The following MAPK4 variants were observed in gnomAD, a reference collection of about 807,000 sequenced individuals.
MAPK4 encodes the protein mitogen-activated protein kinase 4.
In MAPK4, 22 loss-of-function variants were observed where a neutral mutation model predicts 47.7. The observed-to-expected ratio is 0.46, with a 90% CI of 0.33 to 0.66. MAPK4 has a LOEUF of 0.66. Ranked by LOEUF, MAPK4 falls within the 30% of genes least tolerant of loss-of-function variation. MAPK4 has a pLI of 0.02. For missense variants in MAPK4, 736 were observed against 831.7 expected (o/e 0.88, Z 1.42); for synonymous variants, 390 against 365.7 (o/e 1.07, Z -0.76).
intron 1 of MAPK4, among the ~76,000 whole-genome samples, chr18:50,569,878 A>T (rs561446696): frequency 1.5e-4 from 23 of 152,248 alleles, no homozygotes; most frequent in Non-Finnish European, 2.4e-4. Flanking sequence ...TGACAGGCCC[A>T]GCCCCTCCAA....
chr18:50,620,840 A>C (rs564515533), intron 1 of MAPK4, among the ~76,000 whole-genome samples: 6 of 152,310 alleles, frequency 3.9e-5, no homozygotes, highest in Non-Finnish European at 4.4e-5. Context: ...CCAGAGCTCC[A>C]TCAAACCATC....
chr18:50,692,380 G>A (rs985331800), intron 2 of MAPK4, among the ~76,000 whole-genome samples: 1 of 152,138 alleles, frequency 6.6e-6, no homozygotes, highest in Non-Finnish European at 1.5e-5. Flanking sequence ...ACAGAATTTC[G>A]ACATTCAGGA....
At chr18:50,721,227 T>C (rs1451134211) in intron 3 of MAPK4, among the ~76,000 whole-genome samples, 2 of 152,184 alleles carry the variant, frequency 1.3e-5, no homozygotes, top group African/African-American at 4.8e-5. Flanking sequence ...AGACAAAGAC[T>C]GAAGCTTCTT....
At chr18:50,646,881 A>G (rs922789660) in intron 1 of MAPK4, among the ~76,000 whole-genome samples, 3 of 152,114 alleles carry the variant, frequency 2.0e-5, no homozygotes, top group Admixed American at 6.5e-5. Flanking sequence ...TTCAATTTAA[A>G]TGTCACTTCT....
At chr18:50,707,382 CA>C (rs1910112938) in intron 2 of MAPK4, among the ~76,000 whole-genome samples, 1 of 151,958 alleles carries the variant, frequency 6.6e-6, no homozygotes, top group Non-Finnish European at 1.5e-5. Flanking sequence ...GCAGCCTCGG[CA>C]AAATGGCAAA....
intron 2 of MAPK4, among the ~76,000 whole-genome samples, chr18:50,714,164 T>C (rs1910512857): frequency 6.6e-6 from 1 of 152,192 alleles, no homozygotes; most frequent in Non-Finnish European, 1.5e-5. Flanking sequence ...TTGGATCTCC[T>C]TGGTCCTAAC....
rs569912706 is a variant in MAPK4 at position 50,715,222 on chromosome 18, T to C, written c.690T>C (p.Ala230=). Residue 230 remains alanine, a splice_region_variant and synonymous_variant, in exon 3 of 6, where the codon GCT becomes GCC. Transcript: ENST00000400384. The stretch of plus-strand genomic sequence containing the variant: ...TGCTTACGGGGAGAATGCTCTTTGC[T>C]GGTGAGTTGCTAACTATGCCACCTT... ...AEMLTGRMLF[A]GAHELEQMQL... 15 of 1,613,434 alleles carry C rather than the reference T, an allele frequency of 9.3e-6. No homozygotes were observed. In the African/African-American group the frequency reaches 1.3e-4, roughly 14 times the overall value.
intron 2 of MAPK4, among the ~76,000 whole-genome samples, chr18:50,665,749 C>A (rs2144261149): frequency 6.6e-6 from 1 of 152,322 alleles, no homozygotes; most frequent in South Asian, 2.1e-4. Flanking sequence ...GGCTCTGGCT[C>A]CTTGGTGCCA....
At chr18:50,681,007 G>A (rs1255960676) in intron 2 of MAPK4, among the ~76,000 whole-genome samples, 12 of 152,040 alleles carry the variant, frequency 7.9e-5, no homozygotes, top group Admixed American at 7.9e-4. Context: ...TTTCCAAAGG[G>A]GCCACACTAT....
At chr18:50,573,369 T>C (rs1413071042) in intron 1 of MAPK4, among the ~76,000 whole-genome samples, 2 of 152,148 alleles carry the variant, frequency 1.3e-5, no homozygotes, top group African/African-American at 4.8e-5. Context: ...GCTTCATCTC[T>C]ATTTACAGCC....
intron 1 of MAPK4, among the ~76,000 whole-genome samples, chr18:50,601,146 T>G (rs528280587): frequency 1.7e-4 from 25 of 148,440 alleles, no homozygotes; most frequent in Non-Finnish European, 3.0e-4. Flanking sequence ...GAGAGAGACA[T>G]AGTGTGAGAC....
rs1598970733 is a variant in MAPK4 at position 50,730,802 on chromosome 18, A to C, written c.*948A>C. On this transcript the variant is annotated 3_prime_UTR_variant, in exon 6 of 6. Coordinates refer to ENST00000400384, the MANE Select transcript of MAPK4 (RefSeq NM_002747.4). ...ACCTCCCTGCCAGCACTCCCCCTTC[A>C]CCCCACACCCGGCCCCCCCACCTAA... 1 of 148,630 alleles carries C rather than the reference A, an allele frequency of 6.7e-6. No homozygotes were observed. Among genetic ancestry groups the C allele is most frequent in the African/African-American group, 2.5e-5 (1 of 40,086 alleles). The allele number at this position is 148,630 out of a possible 1,614,324, so 9.2% of individuals were successfully genotyped here.
intron 4 of MAPK4, among the ~76,000 whole-genome samples, chr18:50,723,149 A>G (rs962233268): frequency 6.6e-6 from 1 of 152,184 alleles, no homozygotes; most frequent in Non-Finnish European, 1.5e-5. Context: ...AGTTGGGAGC[A>G]TGGATGGGCA....
chr18:50,667,861 A>G (rs912688194), intron 2 of MAPK4, among the ~76,000 whole-genome samples: 10 of 152,288 alleles, frequency 6.6e-5, no homozygotes, highest in Admixed American at 4.6e-4. Flanking sequence ...GTGTCCCCCA[A>G]TTCAATTCCA....
At chr18:50,651,170 CT>C (rs765518103) in intron 1 of MAPK4, among the ~76,000 whole-genome samples, 1 of 152,206 alleles carries the variant, frequency 6.6e-6, no homozygotes, top group Non-Finnish European at 1.5e-5. Flanking sequence ...CCCGTTGAGG[CT>C]CTTGTTCTTT....
chr18:50,661,710 G>A (rs896418425), intron 1 of MAPK4, among the ~76,000 whole-genome samples: 1 of 152,142 alleles, frequency 6.6e-6, no homozygotes, highest in Non-Finnish European at 1.5e-5. Context: ...AAGGTGAGGA[G>A]GGCAGTACCA....
At chr18:50,726,449 C>T (rs1271584336) in intron 5 of MAPK4, among the ~76,000 whole-genome samples, 3 of 152,064 alleles carry the variant, frequency 2.0e-5, no homozygotes, top group African/African-American at 4.8e-5. Context: ...TACAGTGCTC[C>T]GCAAGGATTT....
chr18:50,589,363 G>A (rs995746375), intron 1 of MAPK4, among the ~76,000 whole-genome samples: 2 of 152,112 alleles, frequency 1.3e-5, no homozygotes, highest in South Asian at 2.1e-4. Flanking sequence ...TTGGGAGGCC[G>A]AGGCGGGCGG....
At chr18:50,714,062 C>G (rs1233811996) in intron 2 of MAPK4, among the ~76,000 whole-genome samples, 1 of 152,176 alleles carries the variant, frequency 6.6e-6, no homozygotes, top group Non-Finnish European at 1.5e-5. Flanking sequence ...TTTTCATCTG[C>G]TTTAACCTGA....
Sources: allele counts gnomAD v4.1 joint callset (sites outside exome capture counted in the v4.1 genomes callset), GRCh38; gene constraint gnomAD v4.1.1; transcripts MANE v1.5; gene names NCBI Gene and HGNC (gene_info 2026-07-23, HGNC 2026-07-21).